Variants in RFX7 observed in about 807,000 individuals in gnomAD.
RFX7 encodes the protein DNA-binding protein RFX7.
A neutral mutation model predicts 111.8 loss-of-function variants in RFX7; 26 were observed. The observed-to-expected ratio is 0.23, with a 90% CI of 0.17 to 0.32. The LOEUF (loss-of-function observed/expected upper bound fraction) is 0.32. Among genes scored for constraint, RFX7 ranks in the 10% least tolerant of loss-of-function variants. The probability of loss-of-function intolerance (pLI) is 1.00; values close to 1 mark genes in which losing one functional copy is unlikely to be tolerated. For missense variants in RFX7, 1,573 were observed against 1,772.9 expected (o/e 0.89, Z 2.02); for synonymous variants, 624 against 624.4 (o/e 1.00, Z 0.01).
At chr15:56,159,803 C>T (rs1299020720) in intron 3 of RFX7, among the ~76,000 whole-genome samples, 1 of 152,092 alleles carries the variant, frequency 6.6e-6, no homozygotes, top group Non-Finnish European at 1.5e-5. Context: ...TTTTAAATGT[C>T]TTATTACCAG....
chr15:56,126,418 C>T (rs2042146403), intron 5 of RFX7, among the ~76,000 whole-genome samples: 1 of 152,272 alleles, frequency 6.6e-6, no homozygotes, highest in Admixed American at 6.5e-5. Context: ...GAGTGTTTTG[C>T]AAATCCTCAT....
At chr15:56,220,059 CT>C (rs372983091) in intron 2 of RFX7, among the ~76,000 whole-genome samples, 3 of 150,848 alleles carry the variant, frequency 2.0e-5, no homozygotes, top group Non-Finnish European at 4.4e-5. Context: ...GAAGCATAAC[CT>C]TTTTTTTTGA....
In RFX7 at chr15:56,095,893, C is replaced by A. The variant is rs753580117; in HGVS notation, c.1835G>T (p.Gly612Val). 2 of 1,605,290 alleles carry A rather than the reference C, an allele frequency of 1.2e-6. No homozygotes were observed. Among genetic ancestry groups the A allele is most frequent in the South Asian group, 2.2e-5 (2 of 91,054 alleles). ...CKSRCNEMLP[G>V]TSTGNNQSTI... is the part of the protein sequence containing the mutation. ...GCTTTGATTATTGCCTGTTGACGTG[C>A]CTGGCAGCATTTCATTACAGCGACT... Residue 612 changes from glycine (G) to valine (V), a missense_variant, in exon 10 of 10, where the codon GGC (glycine) becomes GTC (valine). Physicochemically the swap from Gly to Val is moderately radical, Grantham distance 109. This residue lies in a region of RFX7 where 625 missense variants were observed against 632.2 expected (regional missense o/e 0.99). Coordinates refer to ENST00000559447, the MANE Select transcript of RFX7 (RefSeq NM_022841.7).
At chr15:56,220,919 C>T (rs1395937268) in intron 2 of RFX7, among the ~76,000 whole-genome samples, 6 of 152,182 alleles carry the variant, frequency 3.9e-5, no homozygotes, top group African/African-American at 7.2e-5. Flanking sequence ...ATCCTAGCAA[C>T]ATTTATTGAA....
At chr15:56,106,444 G>C (rs372583348) in intron 5 of RFX7, among the ~76,000 whole-genome samples, 59 of 152,272 alleles carry the variant, frequency 3.9e-4, no homozygotes, top group African/African-American at 1.3e-3. Context: ...AGAAAATAAA[G>C]AGGGCATCAA....
chr15:56,211,299 G>T (rs1344285093), intron 2 of RFX7, among the ~76,000 whole-genome samples: 1 of 151,884 alleles, frequency 6.6e-6, no homozygotes, highest in East Asian at 1.9e-4. Flanking sequence ...ATACAACAAA[G>T]AAAAAACAGT....
chr15:56,162,268 C>A (rs1387613837), intron 3 of RFX7, among the ~76,000 whole-genome samples: 2 of 152,002 alleles, frequency 1.3e-5, no homozygotes, highest in Non-Finnish European at 2.9e-5. Flanking sequence ...AAAGTCAATT[C>A]TTTAGTCTCT....
chr15:56,209,349 G>T (rs1446717991), intron 2 of RFX7, among the ~76,000 whole-genome samples: 1 of 150,516 alleles, frequency 6.6e-6, no homozygotes, highest in Non-Finnish European at 1.5e-5. Context: ...CAAAAGTGAA[G>T]AAGAAATATT....
chr15:56,204,430 G>T (rs761363942), intron 2 of RFX7, among the ~76,000 whole-genome samples: 3 of 152,122 alleles, frequency 2.0e-5, no homozygotes, highest in Non-Finnish European at 4.4e-5. Flanking sequence ...TATTTTCATG[G>T]ATCATCTTGA....
intron 2 of RFX7, among the ~76,000 whole-genome samples, chr15:56,241,683 G>GT (rs1266742823): frequency 1.3e-5 from 2 of 151,438 alleles, no homozygotes; most frequent in African/African-American, 2.4e-5. Context: ...TAAAAAGGGG[G>GT]TGAGGGTATC....
intron 3 of RFX7, among the ~76,000 whole-genome samples, chr15:56,148,984 G>A (rs1263763604): frequency 6.6e-6 from 1 of 151,850 alleles, no homozygotes; most frequent in Non-Finnish European, 1.5e-5. Flanking sequence ...TCGGGAGGCT[G>A]AGGCAGGAGA....
intron 3 of RFX7, among the ~76,000 whole-genome samples, chr15:56,146,429 G>A (rs2042473239): frequency 6.6e-6 from 1 of 151,840 alleles, no homozygotes. Context: ...TCACACCAAT[G>A]CCAATCATAT....
chr15:56,199,926 G>T (rs1226800557), intron 2 of RFX7, among the ~76,000 whole-genome samples: 1 of 152,100 alleles, frequency 6.6e-6, no homozygotes, highest in African/African-American at 2.4e-5. Flanking sequence ...GATAAAAAAT[G>T]ACTTGTACAA....
intron 2 of RFX7, among the ~76,000 whole-genome samples, chr15:56,210,250 C>G (rs2043298661): frequency 6.6e-6 from 1 of 152,062 alleles, no homozygotes; most frequent in Non-Finnish European, 1.5e-5. Context: ...TAGGTGAATG[C>G]TTCAAGAAGA....
rs1264082754 is a variant in RFX7 at position 56,159,179 on chromosome 15, C to T, written c.196-14696G>A. On this transcript the variant is annotated intron_variant, in intron 3 of 9. Transcript: ENST00000559447. ...TTGTTGTAAATAACAGAAGTTCCCC[C>T]CTTTTAAGGCTGAATACTACTTCAT... 3.3e-5 allele frequency among the ~76,000 whole-genome samples: 5 copies of T among 152,290 alleles called. No individual in the cohort carries two copies. In the South Asian group the frequency reaches 8.3e-4, roughly 25 times the overall value.
chr15:56,172,205 T>G (rs548591137), intron 3 of RFX7, among the ~76,000 whole-genome samples: 44 of 152,242 alleles, frequency 2.9e-4, no homozygotes, highest in African/African-American at 1.1e-3. Flanking sequence ...TATAAAAGTT[T>G]CAGAGGAGTG....
chr15:56,179,947 A>G (rs1339599925), intron 2 of RFX7, among the ~76,000 whole-genome samples: 1 of 152,198 alleles, frequency 6.6e-6, no homozygotes, highest in Non-Finnish European at 1.5e-5. Context: ...TAACTGAACT[A>G]CTGAATATAA....
At chr15:56,238,554 T>C (rs2043649899) in intron 2 of RFX7, among the ~76,000 whole-genome samples, 1 of 152,208 alleles carries the variant, frequency 6.6e-6, no homozygotes, top group South Asian at 2.1e-4. Context: ...TGTTTATCTC[T>C]TTCCATAAAG....
intron 2 of RFX7, among the ~76,000 whole-genome samples, chr15:56,210,111 T>G (rs1356068286): frequency 2.0e-5 from 3 of 151,956 alleles, no homozygotes; most frequent in Non-Finnish European, 2.9e-5. Flanking sequence ...CAAGGATACA[T>G]ACAGATTAAA....
Sources: allele counts gnomAD v4.1 joint callset (sites outside exome capture counted in the v4.1 genomes callset), GRCh38; gene constraint gnomAD v4.1.1; regional missense constraint gnomAD v4.1.1; transcripts MANE v1.5; gene names NCBI Gene and HGNC (gene_info 2026-07-23, HGNC 2026-07-21).